DHX15: variants seen among roughly 807,000 people sequenced by gnomAD.
DHX15 encodes DEAH-box helicase 15.
In DHX15, 11 loss-of-function variants were observed where a neutral mutation model predicts 94.4. The observed-to-expected ratio is 0.12, with a 90% CI of 0.07 to 0.19. The LOEUF is 0.19. Among genes scored for constraint, DHX15 ranks in the 10% least tolerant of loss-of-function variants. The pLI is 1.00. For missense variants in DHX15, 304 were observed against 988.5 expected (o/e 0.31, Z 9.29); for synonymous variants, 338 against 329.9 (o/e 1.02, Z -0.27).
Position 24,584,531 on chromosome 4 carries a change from A to T in DHX15, c.-138T>A. The stretch of plus-strand genomic sequence containing the variant: ...CCCACACGGTGCGGCCGGAACCAAC[A>T]GCTAAAATGGCGGCGGCGACGAGGG... On this transcript the variant is annotated 5_prime_UTR_variant, in exon 1 of 14. Transcript: ENST00000336812. 2 of 824,034 alleles carry T rather than the reference A, an allele frequency of 2.4e-6. No individual in the cohort carries two copies. The highest frequency in any genetic ancestry group is 2.0e-5 in the South Asian group (1 of 49,576). The allele number at this position is 824,034 out of a possible 1,614,324, so 51.0% of individuals were successfully genotyped here. A position where few individuals can be genotyped will look rare whatever the true frequency, so the allele number is the denominator to read the frequency against.
intron 12 of DHX15, chr4:24,531,004 C>T (rs866238360): frequency 6.6e-6 from 1 of 152,156 alleles, no homozygotes; most frequent in East Asian, 1.9e-4. Flanking sequence ...GCTAGGACTA[C>T]AAGCACACTC....
chr4:24,552,948 G>A (rs888725890), intron 5 of DHX15, among the ~76,000 whole-genome samples: 4 of 152,232 alleles, frequency 2.6e-5, no homozygotes, highest in African/African-American at 9.6e-5. Flanking sequence ...CCTTAACCAT[G>A]AGGCCATTTG....
intron 6 of DHX15, 43 bp downstream of exon 6, chr4:24,548,812 T>C (rs1721521358): frequency 6.4e-7 from 1 of 1,560,798 alleles, no homozygotes; most frequent in African/African-American, 1.4e-5. Context: ...ATCTCATAAA[T>C]CATTATTAGT....
At chr4:24,573,192 T>C (rs912504731) in intron 2 of DHX15, among the ~76,000 whole-genome samples, 4 of 152,248 alleles carry the variant, frequency 2.6e-5, no homozygotes, top group African/African-American at 9.6e-5. Context: ...ATTACAGGCA[T>C]GGGCCACTGT....
In DHX15 at chr4:24,576,675, C is replaced by T. The variant is rs1421336916; in HGVS notation, c.75G>A (p.Lys25=). Residue 25 remains lysine (K), a synonymous_variant, in exon 2 of 14, where the codon AAG becomes AAA. Coordinates refer to ENST00000336812, the MANE Select transcript of DHX15 (RefSeq NM_001358.3). ...SGKKRAGTDG[K]DRDRDRDRED... Reference sequence around the variant, plus strand: ...CACGATCCCGGTCTCGATCTCGATCCTTCCTAAAAACAAAAATTTAGAATT... The same window carrying T: ...CACGATCCCGGTCTCGATCTCGATCTTTCCTAAAAACAAAAATTTAGAATT... 3 of 1,608,930 alleles carry T rather than the reference C, an allele frequency of 1.9e-6. No homozygotes were observed. The highest frequency in any genetic ancestry group is 1.3e-5 in the African/African-American group (1 of 74,634).
At chr4:24,557,183 T>C (rs562393977) in intron 3 of DHX15, among the ~76,000 whole-genome samples, 12 of 152,226 alleles carry the variant, frequency 7.9e-5, no homozygotes, top group East Asian at 5.8e-4. Flanking sequence ...AGGGTCAAGA[T>C]TGTATAACTT....
At chr4:24,572,906 C>T (rs1034661270) in intron 2 of DHX15, among the ~76,000 whole-genome samples, 1 of 151,828 alleles carries the variant, frequency 6.6e-6, no homozygotes, top group Non-Finnish European at 1.5e-5. Context: ...GCCAGGGATC[C>T]GGCTTTTTTG....
At chr4:24,558,128 A>T (rs959345240) in intron 3 of DHX15, among the ~76,000 whole-genome samples, 5 of 152,134 alleles carry the variant, frequency 3.3e-5, no homozygotes, top group African/African-American at 1.2e-4. Context: ...TTCTGAAGGC[A>T]TTTAAATTAG....
At chr4:24,528,945 A>G (rs912000988) in intron 13 of DHX15, among the ~76,000 whole-genome samples, 1 of 152,162 alleles carries the variant, frequency 6.6e-6, no homozygotes, top group African/African-American at 2.4e-5. Flanking sequence ...AGCAAGAAAC[A>G]GTACTGACTT....
chr4:24,577,394 T>C (rs543844052), intron 1 of DHX15, among the ~76,000 whole-genome samples: 56 of 152,322 alleles, frequency 3.7e-4, no homozygotes, highest in Admixed American at 2.1e-3. Context: ...TAAATGTATA[T>C]TGCTTTATTA....
At chr4:24,559,397 G>C (rs368623273) in intron 3 of DHX15, among the ~76,000 whole-genome samples, 1 of 97,922 alleles carries the variant, frequency 1.0e-5, no homozygotes, top group Non-Finnish European at 2.2e-5. Context: ...AAAAAAAAAA[G>C]AAACAGTACT....
At chr4:24,553,626 A>T (rs902262213) in intron 5 of DHX15, among the ~76,000 whole-genome samples, 1 of 151,484 alleles carries the variant, frequency 6.6e-6, no homozygotes, top group African/African-American at 2.4e-5. Flanking sequence ...ATTAAAAAAA[A>T]ATTAGCCAGG....
intron 8 of DHX15, 110 bp downstream of exon 8, chr4:24,541,763 A>T: frequency 8.8e-7 from 1 of 1,141,006 alleles, no homozygotes; most frequent in Non-Finnish European, 1.2e-6. Flanking sequence ...AAAGCTAAGG[A>T]GCTTTTAATC....
chr4:24,547,857 A>G (rs550728169), intron 6 of DHX15, among the ~76,000 whole-genome samples: 7 of 64,076 alleles, frequency 1.1e-4, no homozygotes, highest in Non-Finnish European at 1.3e-4. Context: ...TTTAAGACAT[A>G]TATGTCTCTC....
At chr4:24,567,856 A>C (rs76339089) in intron 3 of DHX15, among the ~76,000 whole-genome samples, 2,558 of 152,326 alleles carry the variant, frequency 0.017, 18 homozygotes, top group African/African-American at 0.025. Context: ...GGGACAAGCA[A>C]ACACATAAAA....
rs1383715821 is a variant in DHX15 at position 24,537,424 on chromosome 4, A to C, written c.1787-251T>G. On this transcript the variant is annotated intron_variant, in intron 10 of 13. Transcript: ENST00000336812. The surrounding 1 kb of genome is among the most constrained non-coding windows in gnomAD (Gnocchi z 4.7). The stretch of plus-strand genomic sequence containing the variant: ...AACTAGATCTAAAAGTAGGCATCAA[A>C]ACAGCTATTCTGAAGGCCATCAGGA... 3 of 341,622 alleles carry C rather than the reference A, an allele frequency of 8.8e-6. No homozygotes were observed. In the East Asian group the frequency reaches 1.6e-4, roughly 19 times the overall value. 21.2% of individuals were successfully genotyped at this position (341,622 alleles called of 1,614,324 possible). A position where few individuals can be genotyped will look rare whatever the true frequency, so the allele number is the denominator to read the frequency against.
At chr4:24,529,319 G>A (rs1721030719) in intron 13 of DHX15, among the ~76,000 whole-genome samples, 2 of 152,084 alleles carry the variant, frequency 1.3e-5, no homozygotes, top group Admixed American at 1.3e-4. Context: ...GATTACAGGT[G>A]TGAGCCACCA....
intron 4 of DHX15, 115 bp from the exon 5 acceptor site, chr4:24,555,058 C>T (rs1182825462): frequency 3.1e-6 from 2 of 637,896 alleles, no homozygotes; most frequent in African/African-American, 3.7e-5. Context: ...CCATGAAAAC[C>T]TTCAAATAAA....
chr4:24,547,517 G>A (rs1178925307), intron 6 of DHX15, among the ~76,000 whole-genome samples: 4 of 152,064 alleles, frequency 2.6e-5, no homozygotes, highest in Admixed American at 2.0e-4. Context: ...TCAATGAAAC[G>A]AGAAGTACAC....
Sources: gnomAD v4.1 joint callset for allele counts (sites outside exome capture counted in the v4.1 genomes callset) on GRCh38, gnomAD v4.1.1 for gene constraint, Gnocchi (gnomAD v3.1) non-coding constraint, MANE v1.5 for transcripts, NCBI Gene and HGNC (gene_info 2026-07-23, HGNC 2026-07-21) for gene names.